Variants in SEC22C observed in about 807,000 individuals in gnomAD.
SEC22C encodes the protein vesicle-trafficking protein SEC22c.
Under a neutral mutation model 34.7 loss-of-function variants are expected in SEC22C, and 29 were observed. The ratio of observed to expected loss-of-function variants is 0.84; its 90% CI spans 0.62 to 1.14. The LOEUF (loss-of-function observed/expected upper bound fraction) is 1.14, where lower values mean the gene tolerates loss of function less well. Among genes scored for constraint, SEC22C ranks in the 50% most tolerant of loss-of-function variants. SEC22C has a pLI of 0.00. For missense variants in SEC22C, 337 were observed against 369.0 expected (o/e 0.91, Z 0.71); for synonymous variants, 117 against 132.8 (o/e 0.88, Z 0.82).
At chr3:42,570,678 T>C (rs1415285750) in intron 1 of SEC22C, among the ~76,000 whole-genome samples, 2 of 152,114 alleles carry the variant, frequency 1.3e-5, no homozygotes, top group East Asian at 1.9e-4. Flanking sequence ...GAAGACACTG[T>C]GGGTTTTACA....
At chr3:42,591,282 A>G (rs946766878) in intron 1 of SEC22C, 2 of 566,658 alleles carry the variant, frequency 3.5e-6, no homozygotes, top group Non-Finnish European at 6.2e-6. Context: ...CACTGAAACC[A>G]CCGCTTCCTG....
rs571808556 is a variant in SEC22C at position 42,571,940 on chromosome 3, C to T, written c.-27-2867G>A. Among the ~76,000 whole-genome samples, 6 of 152,134 alleles carry T rather than the reference C, an allele frequency of 3.9e-5. No individual in the cohort carries two copies. The East Asian group carries it at 9.7e-4, about 25-fold the overall frequency. On this transcript the variant is annotated intron_variant, in intron 1 of 6. Transcript: ENST00000264454. ...CCCAGCTACTCAGGAGGCTGAGGCA[C>T]GAGAATCGCTTGAATCCGGGAGGGA...
intron 2 of SEC22C, chr3:42,564,145 G>A (rs1482620616): frequency 6.0e-6 from 2 of 330,848 alleles, no homozygotes; most frequent in African/African-American, 2.2e-5. Context: ...GGACTTTTGT[G>A]TCTATGCAAA....
rs767244517 is a variant in SEC22C at position 42,557,647 on chromosome 3, G to A, written c.576C>T (p.Leu192=). 5.6e-6 allele frequency: 9 copies of A among 1,612,488 alleles called. No homozygotes were observed. In the South Asian group the frequency reaches 8.8e-5, roughly 16 times the overall value. ...GGGCAGCACACATGATGTTGAGAAT[G>A]AGGGAGAGGATACCCAGGGCTGTCA... ...EPVTALGILS[L]ILNIMCAALN... Residue 192 remains leucine (L), a synonymous_variant, in exon 5 of 7, where the codon CTC becomes CTT. Transcript: ENST00000264454.
intron 4 of SEC22C, among the ~76,000 whole-genome samples, chr3:42,559,439 T>G (rs1401510743): frequency 1.3e-5 from 2 of 152,200 alleles, no homozygotes; most frequent in Non-Finnish European, 2.9e-5. Context: ...CATTCATATA[T>G]GGTAAGGGAA....
chr3:42,560,899 CA>C (rs1702860331), intron 4 of SEC22C, among the ~76,000 whole-genome samples: 1 of 151,998 alleles, frequency 6.6e-6, no homozygotes, highest in Non-Finnish European at 1.5e-5. Flanking sequence ...CTTGGCCTCC[CA>C]AAGTGCTGAG....
At position 42,551,149 on chromosome 3, in the gene SEC22C, C is replaced by CT. The variant is rs1403766152; in HGVS notation, c.*2098dup. 2.0e-6 allele frequency: 2 copies of CT among 985,164 alleles called. No individual in the cohort carries two copies. The highest frequency in any genetic ancestry group is 1.2e-4 in the Admixed American group (2 of 16,244). 61.0% of individuals were successfully genotyped at this position (985,164 alleles called of 1,614,324 possible). A position where few individuals can be genotyped will look rare whatever the true frequency, so the allele number is the denominator to read the frequency against. On this transcript the variant is annotated 3_prime_UTR_variant, in exon 7 of 7. Coordinates refer to ENST00000264454, the MANE Select transcript of SEC22C (RefSeq NM_032970.4). Reference sequence around the variant, plus strand: ...CCCAAAGTGTTATTGACTTTTAAAGCTTTTTTGTTCTTCTCATTTAAAACA... The same window carrying CT: ...CCCAAAGTGTTATTGACTTTTAAAGCTTTTTTTGTTCTTCTCATTTAAAACA...
At chr3:42,578,196 A>G (rs928426445) in intron 1 of SEC22C, among the ~76,000 whole-genome samples, 2 of 152,242 alleles carry the variant, frequency 1.3e-5, no homozygotes, top group Admixed American at 6.5e-5. Flanking sequence ...AACAAACCGC[A>G]GTATATTCAT....
Position 42,552,306 on chromosome 3 carries a change from C to G in SEC22C, c.*942G>C. The stretch of plus-strand genomic sequence containing the variant: ...GCTCTGGGAACAGGTACACAGGGTA[C>G]AGTAGTCATCATCATTAAAACAACA... On this transcript the variant is annotated 3_prime_UTR_variant, in exon 7 of 7. Transcript: ENST00000264454. 1 of 985,364 alleles carries G rather than the reference C, an allele frequency of 1.0e-6. No individual in the cohort carries two copies. The highest frequency in any genetic ancestry group is 1.2e-6 in the Non-Finnish European group (1 of 829,918). The allele number at this position is 985,364 out of a possible 1,614,324, so 61.0% of individuals were successfully genotyped here.
chr3:42,572,141 A>ATTTG (rs763950746), intron 1 of SEC22C, among the ~76,000 whole-genome samples: 2 of 148,248 alleles, frequency 1.3e-5, no homozygotes, highest in African/African-American at 2.5e-5. Flanking sequence ...GTTTTTTCTT[A>ATTTG]TTTGTTTGTT....
At chr3:42,585,948 TC>T (rs1056825015), upstream of SEC22C, among the ~76,000 whole-genome samples, 2 of 149,824 alleles carry the variant, frequency 1.3e-5, no homozygotes, top group African/African-American at 2.5e-5. Context: ...CAACCCCCCC[TC>T]CCCCGCTTGC....
At chr3:42,599,309 GT>G (rs1705170797) in intron 1 of SEC22C, among the ~76,000 whole-genome samples, 1 of 151,630 alleles carries the variant, frequency 6.6e-6, no homozygotes, top group Non-Finnish European at 1.5e-5. Context: ...TTATAAAATA[GT>G]GTGGTACTCA....
rs1704962415 is a variant in SEC22C at position 42,594,303 on chromosome 3, A to G, written c.-28+6657T>C. 4.2e-6 allele frequency: 3 copies of G among 717,566 alleles called. No homozygotes were observed. The Admixed American group carries it at 6.4e-5, about 15-fold the overall frequency. The allele number at this position is 717,566 out of a possible 1,614,324, so 44.4% of individuals were successfully genotyped here. ...TATGTTAAACAAGAAGGTTGATAACACTGAATCATCCAGTCAGTGGATGAG... is the reference window on the plus strand; with the variant it reads ...TATGTTAAACAAGAAGGTTGATAACGCTGAATCATCCAGTCAGTGGATGAG... On this transcript the variant is annotated intron_variant, in intron 1 of 6. Transcript: ENST00000417572.
chr3:42,579,384 T>C (rs1704168144), intron 1 of SEC22C: 1 of 150,772 alleles, frequency 6.6e-6, no homozygotes, highest in Non-Finnish European at 1.5e-5. Context: ...GGAGGACTGC[T>C]TGAGTCCAAG....
At chr3:42,590,796 C>A (rs1704796354) in intron 1 of SEC22C, 1 of 1,212,310 alleles carries the variant, frequency 8.2e-7, no homozygotes, top group Non-Finnish European at 1.2e-6. Context: ...CCCTTCTGTA[C>A]CCCGCCCTGT....
chr3:42,581,083 A>G (rs1189586274), intron 1 of SEC22C, among the ~76,000 whole-genome samples: 1 of 152,242 alleles, frequency 6.6e-6, no homozygotes, highest in Non-Finnish European at 1.5e-5. Flanking sequence ...CAGAGGAAAC[A>G]CTATTTGTTT....
At chr3:42,569,831 T>G (rs1703501402) in intron 1 of SEC22C, among the ~76,000 whole-genome samples, 1 of 152,236 alleles carries the variant, frequency 6.6e-6, no homozygotes, top group Admixed American at 6.5e-5. Flanking sequence ...TAGGAAAGGA[T>G]GCCTCTCTTG....
At chr3:42,564,685 A>G (rs1353549738) in intron 2 of SEC22C, among the ~76,000 whole-genome samples, 1 of 152,216 alleles carries the variant, frequency 6.6e-6, no homozygotes, top group African/African-American at 2.4e-5. Context: ...ATCAATGGGA[A>G]AATTATTTCC....
rs770855002 is a variant in SEC22C at position 42,553,390 on chromosome 3, A to G, written c.770T>C (p.Leu257Pro). ...GTACATGTTGCCCAGGCAAATAAAG[A>G]GCAGCATAAGCACCACCTTCATAGT... ...ARTMKVVLML[L>P]FICLGNMYLH... The change falls in exon 7 of 7, where the codon CTC becomes CCC. Residue 257 changes from leucine (L) to proline (P), a missense_variant. Physicochemically the swap from Leu to Pro is moderately conservative, Grantham distance 98. Coordinates refer to ENST00000264454, the MANE Select transcript of SEC22C (RefSeq NM_032970.4). The G allele has an allele frequency of 7.4e-6, 12 of 1,614,156 alleles. No individual in the cohort carries two copies. The highest frequency in any genetic ancestry group is 9.3e-6 in the Non-Finnish European group (11 of 1,180,038).
Sources: allele counts gnomAD v4.1 joint callset (sites outside exome capture counted in the v4.1 genomes callset), GRCh38; gene constraint gnomAD v4.1.1; transcripts MANE v1.5; gene names NCBI Gene and HGNC (gene_info 2026-07-23, HGNC 2026-07-21).